CAMK2D: variants seen among roughly 807,000 people sequenced by gnomAD.
The protein encoded by CAMK2D is calcium/calmodulin-dependent protein kinase type II subunit delta.
A neutral mutation model predicts 84.0 loss-of-function variants in CAMK2D; 37 were observed. That is an observed-to-expected ratio of 0.44 (90% CI 0.34 to 0.58). CAMK2D has a LOEUF of 0.58. CAMK2D is among the 20% of genes least tolerant of loss of function. CAMK2D has a pLI of 0.02. For missense variants in CAMK2D, 448 were observed against 652.5 expected (o/e 0.69, Z 3.41); for synonymous variants, 202 against 212.5 (o/e 0.95, Z 0.43).
At chr4:113,725,078 C>T (rs894696322) in intron 2 of CAMK2D, among the ~76,000 whole-genome samples, 2 of 151,952 alleles carry the variant, frequency 1.3e-5, no homozygotes, top group African/African-American at 4.8e-5. Context: ...AATAGATATG[C>T]ATTAAAACCC....
intron 4 of CAMK2D, among the ~76,000 whole-genome samples, chr4:113,590,057 G>A (rs1033781106): frequency 3.3e-5 from 5 of 152,204 alleles, no homozygotes; most frequent in African/African-American, 7.2e-5. Context: ...TTGAAGAGAG[G>A]CACAAAATCC....
chr4:113,515,563 TTAA>T (rs2098273458), intron 9 of CAMK2D, among the ~76,000 whole-genome samples: 1 of 152,170 alleles, frequency 6.6e-6, no homozygotes, highest in Non-Finnish European at 1.5e-5. Context: ...TTTGCAAAAC[TTAA>T]TAAAAGCAAA....
intron 3 of CAMK2D, among the ~76,000 whole-genome samples, chr4:113,639,539 G>C (rs897888890): frequency 9.2e-5 from 14 of 152,040 alleles, no homozygotes; most frequent in African/African-American, 3.4e-4. Flanking sequence ...CACTCCTTCA[G>C]CCAGGCACCT....
At chr4:113,604,437 C>G (rs1486106013) in intron 4 of CAMK2D, among the ~76,000 whole-genome samples, 1 of 151,976 alleles carries the variant, frequency 6.6e-6, no homozygotes, top group Non-Finnish European at 1.5e-5. Context: ...TTCAATTTTT[C>G]TAATGCTTTA....
intron 8 of CAMK2D, among the ~76,000 whole-genome samples, chr4:113,525,974 G>A (rs1231569711): frequency 6.6e-6 from 1 of 152,144 alleles, no homozygotes; most frequent in East Asian, 1.9e-4. Context: ...ATGATGATGA[G>A]TTTAAGGGTA....
intron 6 of CAMK2D, among the ~76,000 whole-genome samples, chr4:113,541,136 A>G (rs1315331116): frequency 6.6e-6 from 1 of 152,358 alleles, no homozygotes; most frequent in East Asian, 1.9e-4. Flanking sequence ...CTCAAAGTAC[A>G]TAGGCAGGTT....
intron 3 of CAMK2D, among the ~76,000 whole-genome samples, chr4:113,639,568 A>G (rs2099124020): frequency 1.3e-5 from 2 of 151,880 alleles, no homozygotes. Flanking sequence ...TACAACACCC[A>G]CCCTAGAATA....
intron 20 of CAMK2D, among the ~76,000 whole-genome samples, chr4:113,455,453 G>T (rs2097292860): frequency 3.3e-5 from 5 of 152,152 alleles, no homozygotes; most frequent in Admixed American, 2.6e-4. Context: ...TACTTTTGAT[G>T]TGAAAACTTC....
In CAMK2D at chr4:113,503,022, G is replaced by A. The variant is rs777132818; in HGVS notation, c.1045-45C>T. 5 of 1,370,652 alleles carry A rather than the reference G, an allele frequency of 3.6e-6. No individual in the cohort carries two copies. The South Asian group carries it at 5.8e-5, about 16-fold the overall frequency. 84.9% of individuals were successfully genotyped at this position (1,370,652 alleles called of 1,614,324 possible). ...AGAAAGAAACAGTTCGCATTGGTAA[G>A]TACATTCTTTCTAGTGTGAAGGACA... On this transcript the variant is annotated intron_variant, in intron 14 of 20. Transcript: ENST00000511664.
chr4:113,496,265 T>C (rs1033718708), intron 16 of CAMK2D, among the ~76,000 whole-genome samples: 10 of 152,126 alleles, frequency 6.6e-5, no homozygotes, highest in Admixed American at 3.3e-4. Context: ...GAAGTAGCTG[T>C]TTTACTGGAA....
chr4:113,505,370 TTC>T (rs775005744), intron 13 of CAMK2D, among the ~76,000 whole-genome samples: 1 of 152,228 alleles, frequency 6.6e-6, no homozygotes, highest in African/African-American at 2.4e-5. Flanking sequence ...TCAAGTTGGA[TTC>T]TGTTTCCAAG....
intron 14 of CAMK2D, among the ~76,000 whole-genome samples, chr4:113,503,787 G>T (rs2098089079): frequency 6.6e-6 from 1 of 152,126 alleles, no homozygotes; most frequent in Admixed American, 6.6e-5. Flanking sequence ...ATATTCCCAA[G>T]TGGAGAATAA....
At chr4:113,586,994 G>A (rs950617790) in intron 4 of CAMK2D, among the ~76,000 whole-genome samples, 1 of 152,178 alleles carries the variant, frequency 6.6e-6, no homozygotes, top group African/African-American at 2.4e-5. Context: ...AAAACTAAAT[G>A]CAAGCACATA....
intron 3 of CAMK2D, among the ~76,000 whole-genome samples, chr4:113,648,025 A>T (rs1354350514): frequency 6.6e-6 from 1 of 152,212 alleles, no homozygotes; most frequent in Non-Finnish European, 1.5e-5. Context: ...GGAAATAATG[A>T]CCTTCAAAAT....
chr4:113,460,280 T>C, intron 17 of CAMK2D, 39 bp from the exon 18 acceptor site: 2 of 1,053,242 alleles, frequency 1.9e-6, no homozygotes, highest in Non-Finnish European at 3.0e-6. Flanking sequence ...AATTAATAGG[T>C]GCTTTAATGT....
intron 19 of CAMK2D, chr4:113,457,064 A>G (rs1230677768): frequency 1.7e-6 from 1 of 605,634 alleles, no homozygotes; most frequent in East Asian, 4.3e-5. Flanking sequence ...CAAGTCCTCT[A>G]GATTTAACCC....
chr4:113,629,898 T>A (rs180699241), intron 3 of CAMK2D, among the ~76,000 whole-genome samples: 3 of 151,794 alleles, frequency 2.0e-5, no homozygotes, highest in Admixed American at 2.0e-4. Context: ...AAATGATGTA[T>A]AATTCACAAT....
intron 3 of CAMK2D, among the ~76,000 whole-genome samples, chr4:113,609,943 T>C (rs1332152694): frequency 6.6e-6 from 1 of 152,166 alleles, no homozygotes; most frequent in East Asian, 1.9e-4. Flanking sequence ...AAATCACACA[T>C]GTAGAACTAC....
chr4:113,724,279 A>G (rs1037746581), intron 2 of CAMK2D, among the ~76,000 whole-genome samples: 3 of 151,930 alleles, frequency 2.0e-5, no homozygotes, highest in Non-Finnish European at 4.4e-5. Flanking sequence ...TTAAAATTAT[A>G]CTTTTTTTCT....
Sources: allele counts gnomAD v4.1 joint callset (sites outside exome capture counted in the v4.1 genomes callset), GRCh38; gene constraint gnomAD v4.1.1; transcripts MANE v1.5; gene names NCBI Gene and HGNC (gene_info 2026-07-23, HGNC 2026-07-21).